HEATR5A: variants seen among roughly 807,000 people sequenced by gnomAD.
The protein encoded by HEATR5A is HEAT repeat containing 5A.
Under a neutral mutation model 218.8 loss-of-function variants are expected in HEATR5A, and 178 were observed. That is an observed-to-expected ratio of 0.81 (90% CI 0.72 to 0.92). The LOEUF is 0.92. HEATR5A is among the 40% of genes least tolerant of loss of function. The probability of loss-of-function intolerance (pLI) is 0.00; values close to 1 mark genes in which losing one functional copy is unlikely to be tolerated. For missense variants in HEATR5A, 2,420 were observed against 2,418.9 expected (o/e 1.00, Z -0.01); for synonymous variants, 864 against 871.6 (o/e 0.99, Z 0.15).
intron 10 of HEATR5A, among the ~76,000 whole-genome samples, chr14:31,383,127 T>G (rs190652417): frequency 5.1e-4 from 77 of 152,228 alleles, no homozygotes; most frequent in African/African-American, 1.8e-3. Flanking sequence ...AAAAATAAAA[T>G]GAGTTCATAC....
chr14:31,302,349 A>G lies in HEATR5A; in HGVS notation c.5410T>C (p.Trp1804Arg), dbSNP rs1245950618. The G allele has an allele frequency of 1.2e-6, 2 of 1,604,890 alleles. No homozygotes were observed. Among genetic ancestry groups the G allele is most frequent in the South Asian group, 2.2e-5 (2 of 89,078 alleles). The change falls in exon 33 of 36, where the codon TGG becomes CGG. Residue 1804 changes from tryptophan (W) to arginine (R), a missense_variant. Trp to Arg is a moderately radical substitution (Grantham distance 101). Coordinates refer to ENST00000543095, the MANE Select transcript of HEATR5A (RefSeq NM_015473.4). ...AAGGCACTTCGGAGAAGGTCAGTCC[A>G]AGCAGTACGGCTCTTTTCTGCCCGG... Reference protein sequence around the residue: ...MARAEKSRTAWTDLLRSALTT... With the variant: ...MARAEKSRTARTDLLRSALTT...
chr14:31,379,627 A>T (rs901052341), intron 11 of HEATR5A, among the ~76,000 whole-genome samples: 15 of 152,172 alleles, frequency 9.9e-5, no homozygotes, highest in African/African-American at 3.4e-4. Flanking sequence ...GAGTAATAAA[A>T]TTAAGTTTCA....
chr14:31,347,725 G>C, intron 19 of HEATR5A, 23 bp downstream of exon 19: 1 of 1,496,632 alleles, frequency 6.7e-7, no homozygotes, highest in Non-Finnish European at 8.9e-7. Context: ...AATTTCAAGG[G>C]AAGTATCACA....
intron 25 of HEATR5A, among the ~76,000 whole-genome samples, chr14:31,321,189 G>C (rs1170819517): frequency 6.6e-6 from 1 of 151,420 alleles, no homozygotes; most frequent in African/African-American, 2.4e-5. Flanking sequence ...GACAGGGTCT[G>C]GATCTGTCAC....
chr14:31,411,950 G>T (rs1472121704), intron 1 of HEATR5A, among the ~76,000 whole-genome samples: 2 of 152,006 alleles, frequency 1.3e-5, no homozygotes, highest in African/African-American at 4.8e-5. Flanking sequence ...CTGCCTCCCA[G>T]GTTCAAGCTA....
intron 22 of HEATR5A, among the ~76,000 whole-genome samples, chr14:31,335,597 C>A (rs568216212): frequency 1.3e-5 from 2 of 152,050 alleles, no homozygotes; most frequent in Non-Finnish European, 2.9e-5. Context: ...TGAAAAGCTC[C>A]GTGAAGTCTA....
At chr14:31,417,845 C>T (rs1018317485) in intron 1 of HEATR5A, among the ~76,000 whole-genome samples, 1 of 151,994 alleles carries the variant, frequency 6.6e-6, no homozygotes, top group Non-Finnish European at 1.5e-5. Context: ...TCATTACACA[C>T]TGCAGATCCA....
intron 16 of HEATR5A, among the ~76,000 whole-genome samples, chr14:31,355,481 T>A (rs1047091078): frequency 1.3e-5 from 2 of 150,128 alleles, no homozygotes; most frequent in Non-Finnish European, 3.0e-5. Flanking sequence ...GCCTATAATC[T>A]CAGCACTTTG....
At chr14:31,373,838 C>T (rs1386686441) in intron 12 of HEATR5A, among the ~76,000 whole-genome samples, 2 of 152,116 alleles carry the variant, frequency 1.3e-5, no homozygotes, top group Non-Finnish European at 2.9e-5. Flanking sequence ...AGAAGTAGAT[C>T]AACCCCTACT....
intron 5 of HEATR5A, 52 bp from the exon 6 acceptor site, chr14:31,394,278 G>C (rs1334726293): frequency 2.9e-5 from 34 of 1,181,578 alleles, no homozygotes; most frequent in East Asian, 2.2e-4. Flanking sequence ...CAAATGTCAG[G>C]TTCAGAGCTA....
chr14:31,320,715 A>T, intron 25 of HEATR5A: 1 of 369,144 alleles, frequency 2.7e-6, no homozygotes, highest in Non-Finnish European at 5.1e-6. Flanking sequence ...AAGTTACAAA[A>T]CACTTGTTTT....
intron 22 of HEATR5A, among the ~76,000 whole-genome samples, chr14:31,332,590 C>T (rs559448388): frequency 6.6e-6 from 1 of 152,158 alleles, no homozygotes. Flanking sequence ...GTTGTGAATG[C>T]AAAAGAAAAG....
At chr14:31,351,292 G>A (rs1455123164) in intron 16 of HEATR5A, among the ~76,000 whole-genome samples, 1 of 152,078 alleles carries the variant, frequency 6.6e-6, no homozygotes, top group African/African-American at 2.4e-5. Context: ...AGGAGTTTAC[G>A]ACCAGCCTGG....
At chr14:31,359,300 G>A (rs1351529380) in intron 14 of HEATR5A, among the ~76,000 whole-genome samples, 1 of 151,168 alleles carries the variant, frequency 6.6e-6, no homozygotes, top group African/African-American at 2.4e-5. Context: ...GTGTGTGTGT[G>A]TGTGTGTGTG....
chr14:31,328,615 C>T (rs535271884), intron 22 of HEATR5A, among the ~76,000 whole-genome samples: 2 of 152,276 alleles, frequency 1.3e-5, no homozygotes, highest in Admixed American at 6.5e-5. Context: ...CACAGTGGCT[C>T]ACGCCCATAA....
intron 1 of HEATR5A, among the ~76,000 whole-genome samples, chr14:31,407,608 A>ATATT (rs2031125874): frequency 8.4e-4 from 1 of 1,188 alleles, no homozygotes; most frequent in African/African-American, 1.5e-3. Flanking sequence ...ATATATATAT[A>ATATT]TATATATATA....
chr14:31,293,713 A>G, intron 35 of HEATR5A, 101 bp from the exon 36 acceptor site: 2 of 1,202,842 alleles, frequency 1.7e-6, no homozygotes, highest in Non-Finnish European at 2.3e-6. Flanking sequence ...ACTAAAGAAA[A>G]CAATTCGTCC....
At chr14:31,308,686 C>T (rs1899635108) in intron 29 of HEATR5A, among the ~76,000 whole-genome samples, 1 of 151,970 alleles carries the variant, frequency 6.6e-6, no homozygotes, top group Non-Finnish European at 1.5e-5. Context: ...CTTTGACATA[C>T]ATCTTTTTAT....
At chr14:31,352,210 C>G (rs1236918674) in intron 16 of HEATR5A, among the ~76,000 whole-genome samples, 1 of 152,092 alleles carries the variant, frequency 6.6e-6, no homozygotes. Flanking sequence ...AAATGAGAAA[C>G]CTGAAATACG....
Sources: allele counts gnomAD v4.1 joint callset (sites outside exome capture counted in the v4.1 genomes callset), GRCh38; gene constraint gnomAD v4.1.1; transcripts MANE v1.5; gene names NCBI Gene and HGNC (gene_info 2026-07-23, HGNC 2026-07-21).